The following C1QTNF3 variants were observed in gnomAD, a reference collection of about 807,000 sequenced individuals.
C1QTNF3 encodes the protein C1q and TNF related 3.
A neutral mutation model predicts 32.6 loss-of-function variants in C1QTNF3; 26 were observed. The ratio of observed to expected loss-of-function variants is 0.80; its 90% CI spans 0.58 to 1.11. C1QTNF3 has a LOEUF of 1.11. C1QTNF3 is among the 50% of genes least tolerant of loss of function. The probability of loss-of-function intolerance (pLI) is 0.00; values close to 1 mark genes in which losing one functional copy is unlikely to be tolerated. For synonymous variants in C1QTNF3, 155 were observed against 146.0 expected (o/e 1.06, Z -0.44); for missense variants, 362 against 398.2 (o/e 0.91, Z 0.77).
At chr5:34,234,288 C>T in the C1QTNF3 span, among the ~76,000 whole-genome samples, 3 of 152,188 alleles carry the variant, frequency 2.0e-5, no homozygotes, top group East Asian at 1.9e-4. Context: ...TGGCTAAAGA[C>T]GCATCTTTCC....
chr5:34,054,498 G>A, the C1QTNF3 span, among the ~76,000 whole-genome samples: 1 of 152,108 alleles, frequency 6.6e-6, no homozygotes, highest in Non-Finnish European at 1.5e-5. Flanking sequence ...GCCATGAACA[G>A]TTCAGAAATG....
the C1QTNF3 span, among the ~76,000 whole-genome samples, chr5:34,079,921 G>A: frequency 7.3e-6 from 1 of 136,642 alleles, no homozygotes; most frequent in African/African-American, 2.8e-5. Flanking sequence ...TAGATCCTAT[G>A]TTGTGTTCTT....
intron 3 of C1QTNF3, among the ~76,000 whole-genome samples, chr5:34,029,961 T>C (rs1754569275): frequency 6.6e-6 from 1 of 152,234 alleles, no homozygotes; most frequent in Non-Finnish European, 1.5e-5. Context: ...TAATCATCTC[T>C]TGGCATGTTT....
At chr5:34,154,941 A>G in the C1QTNF3 span, among the ~76,000 whole-genome samples, 14 of 152,292 alleles carry the variant, frequency 9.2e-5, no homozygotes, top group South Asian at 2.9e-3. Context: ...AAGCAATGCT[A>G]ATCAATTTAA....
the C1QTNF3 span, among the ~76,000 whole-genome samples, chr5:34,154,851 C>T: frequency 6.6e-6 from 1 of 152,148 alleles, no homozygotes; most frequent in Non-Finnish European, 1.5e-5. Context: ...CATCTCTGGG[C>T]ATGAACCTGA....
At chr5:34,037,710 G>A (rs1235265030) in intron 1 of C1QTNF3, among the ~76,000 whole-genome samples, 1 of 152,138 alleles carries the variant, frequency 6.6e-6, no homozygotes, top group Non-Finnish European at 1.5e-5. Flanking sequence ...CTGTCAAATT[G>A]GTAGGGGAAG....
chr5:34,216,405 T>C, the C1QTNF3 span, among the ~76,000 whole-genome samples: 1 of 152,238 alleles, frequency 6.6e-6, no homozygotes, highest in Non-Finnish European at 1.5e-5. Context: ...TGATGTTTTG[T>C]GTACTTTGAA....
At chr5:34,083,589 G>T in the C1QTNF3 span, among the ~76,000 whole-genome samples, 7 of 150,804 alleles carry the variant, frequency 4.6e-5, no homozygotes, top group African/African-American at 1.7e-4. Flanking sequence ...TTAAAAAGCA[G>T]ATTTATGTAT....
chr5:34,169,843 G>C, the C1QTNF3 span, among the ~76,000 whole-genome samples: 6 of 152,106 alleles, frequency 3.9e-5, no homozygotes, highest in African/African-American at 1.2e-4. Context: ...AATGTACAAT[G>C]ATACAGCAAC....
At chr5:34,136,463 C>A in the C1QTNF3 span, among the ~76,000 whole-genome samples, 1 of 152,148 alleles carries the variant, frequency 6.6e-6, no homozygotes, top group African/African-American at 2.4e-5. Flanking sequence ...CCATCTCACG[C>A]CAGTTAGAAT....
intron 3 of C1QTNF3, among the ~76,000 whole-genome samples, chr5:34,030,092 C>T (rs551928145): frequency 6.6e-6 from 1 of 152,184 alleles, no homozygotes; most frequent in South Asian, 2.1e-4. Context: ...AAATGGTTTA[C>T]TAAAATTAGC....
chr5:34,079,226 T>C, the C1QTNF3 span, among the ~76,000 whole-genome samples: 2 of 151,728 alleles, frequency 1.3e-5, no homozygotes, highest in East Asian at 3.9e-4. Context: ...AAATCCTCAA[T>C]TCTAAATCCT....
the C1QTNF3 span, among the ~76,000 whole-genome samples, chr5:34,176,896 A>T: frequency 6.6e-6 from 1 of 152,112 alleles, no homozygotes; most frequent in African/African-American, 2.4e-5. Context: ...TGAAAAATGA[A>T]ATTAAACTAA....
At chr5:34,144,834 G>T in the C1QTNF3 span, among the ~76,000 whole-genome samples, 3 of 152,090 alleles carry the variant, frequency 2.0e-5, no homozygotes, top group Admixed American at 6.6e-5. Flanking sequence ...AAGTTAGAAA[G>T]ATCTCAAATA....
the C1QTNF3 span, among the ~76,000 whole-genome samples, chr5:34,145,107 T>C: frequency 6.6e-6 from 1 of 151,950 alleles, no homozygotes; most frequent in East Asian, 1.9e-4. Flanking sequence ...CCAGCCTGGG[T>C]GACAGGGTGA....
the C1QTNF3 span, among the ~76,000 whole-genome samples, chr5:34,079,407 T>C: frequency 1.3e-5 from 2 of 151,594 alleles, no homozygotes; most frequent in Admixed American, 1.3e-4. Flanking sequence ...ATTTTTTTCA[T>C]AGTGGTTTCA....
At chr5:34,187,814 G>C in the C1QTNF3 span, among the ~76,000 whole-genome samples, 1 of 152,426 alleles carries the variant, frequency 6.6e-6, no homozygotes, top group African/African-American at 2.4e-5. Flanking sequence ...CAACAGAAAA[G>C]AAAAATCTAT....
At chr5:34,179,525 AG>A in the C1QTNF3 span, among the ~76,000 whole-genome samples, 1 of 72,738 alleles carries the variant, frequency 1.4e-5, no homozygotes, top group Admixed American at 1.5e-4. Context: ...AGAAAAGAAA[AG>A]AAAAAAAAAA....
the C1QTNF3 span, among the ~76,000 whole-genome samples, chr5:34,060,221 G>A: frequency 2.6e-5 from 4 of 152,190 alleles, no homozygotes; most frequent in Non-Finnish European, 5.9e-5. Context: ...GTTGCTTAAT[G>A]ATGGGAATAT....
Sources: allele counts gnomAD v4.1 joint callset (sites outside exome capture counted in the v4.1 genomes callset), GRCh38; gene constraint gnomAD v4.1.1; transcripts MANE v1.5; gene names NCBI Gene and HGNC (gene_info 2026-07-23, HGNC 2026-07-21).